POTEC: variants seen among roughly 807,000 people sequenced by gnomAD.
POTEC encodes the protein POTE ankyrin domain family member C.
In POTEC, 35 loss-of-function variants were observed where a neutral mutation model predicts 62.0. The ratio of observed to expected loss-of-function variants is 0.56; its 90% CI spans 0.43 to 0.75. The LOEUF is 0.75. POTEC is among the 30% of genes least tolerant of loss of function. The pLI is 0.00. For missense variants in POTEC, 472 were observed against 655.9 expected, an observed-to-expected ratio of 0.72 and a Z score of 3.06; for synonymous variants, 156 against 221.5, an observed-to-expected ratio of 0.70 and a Z score of 2.62.
At position 14,537,886 on chromosome 18, in the gene POTEC, G is replaced by A. The variant is rs1457228160; in HGVS notation, c.725C>T (p.Thr242Ile). ...TTCATTGTGGACAGCATAGTGTAGA[G>A]TGGTATTTCCATACTCATCTGGAAT... Reference protein sequence around the residue: ...QNIPDEYGNTTLHYAVHNEDK... With the variant: ...QNIPDEYGNTILHYAVHNEDK... Residue 242 changes from threonine to isoleucine, a missense_variant, in exon 3 of 11, where the codon ACT becomes ATT. Coordinates refer to ENST00000358970, the MANE Select transcript of POTEC (RefSeq NM_001137671.2). 6.2e-7 allele frequency: 1 copy of A among 1,612,390 alleles called. No individual in the cohort carries two copies. Among genetic ancestry groups the A allele is most frequent in the South Asian group, 1.1e-5 (1 of 90,994 alleles).
At chr18:14,519,675 C>T (rs1910257800) in intron 9 of POTEC, among the ~76,000 whole-genome samples, 1 of 152,166 alleles carries the variant, frequency 6.6e-6, no homozygotes, top group Admixed American at 6.5e-5. Context: ...CGAGATCACA[C>T]CACTGAACTC....
chr18:14,530,676 T>G (rs1905480348), intron 5 of POTEC, 123 bp from the exon 6 acceptor site: 3 of 920,432 alleles, frequency 3.3e-6, no homozygotes, highest in Admixed American at 3.2e-5. Flanking sequence ...AACAGTATTA[T>G]CCCATACACT....
At position 14,533,181 on chromosome 18, in the gene POTEC, G is replaced by C; in HGVS notation, c.935C>G (p.Ala312Gly). The change falls in exon 5 of 11, where the codon GCT becomes GGT. Residue 312 changes from alanine to glycine, a missense_variant. Ala to Gly is a moderately conservative substitution (Grantham distance 60). Around this residue, in one of 5 missense-constraint regions of POTEC, gnomAD observed 83 missense variants for 254.3 expected, o/e 0.33. Coordinates refer to ENST00000358970, the MANE Select transcript of POTEC (RefSeq NM_001137671.2). ...DRYGRTALILAVCCGSASIVN... is the reference protein window; with the variant it reads ...DRYGRTALILGVCCGSASIVN... ...TATACTTGCTGATCCACAACATACA[G>C]CAAGTATGAGGGCAGTTCTAAAATT... The C allele has an allele frequency of 6.2e-7, 1 of 1,611,178 alleles. No individual in the cohort carries two copies. Among genetic ancestry groups the C allele is most frequent in the Non-Finnish European group, 8.5e-7 (1 of 1,179,414 alleles).
chr18:14,543,284 C>T lies in POTEC; in HGVS notation c.-138G>A, dbSNP rs1312344790. The T allele has an allele frequency of 3.6e-6, 5 of 1,398,232 alleles. No individual in the cohort carries two copies. The Admixed American group carries it at 9.2e-5, about 26-fold the overall frequency. 86.6% of individuals were successfully genotyped at this position (1,398,232 alleles called of 1,614,324 possible). A position where few individuals can be genotyped will look rare whatever the true frequency, so the allele number is the denominator to read the frequency against. On this transcript the variant is annotated 5_prime_UTR_variant, in exon 1 of 11. Transcript: ENST00000358970. ...AATCCCAGCCAAAACTTGCCAACCC[C>T]AGCAAGGGAGCCCAGTCCACCCCAC...
rs185639924 is a variant in POTEC, at chr18:14,534,425, C to G, written c.917+476G>C. ...TAATTGTCATGTGGCGATAAGCTAACATTAATATTCTTCAAAGAAAGCAAC... is the reference window on the plus strand; with the variant it reads ...TAATTGTCATGTGGCGATAAGCTAAGATTAATATTCTTCAAAGAAAGCAAC... On this transcript the variant is annotated intron_variant, in intron 4 of 10. Coordinates refer to ENST00000358970, the MANE Select transcript of POTEC (RefSeq NM_001137671.2). Among the ~76,000 whole-genome samples, 466 of 152,004 alleles carry G rather than the reference C, an allele frequency of 3.1e-3. 1 individual carries two copies. The highest frequency in any genetic ancestry group is 0.01 in the African/African-American group (432 of 41,420).
At position 14,511,989 on chromosome 18, in the gene POTEC, G is replaced by A. The variant is rs1012210594; in HGVS notation, c.1538C>T (p.Ser513Phe). The A allele has an allele frequency of 2.5e-6, 4 of 1,611,806 alleles. No homozygotes were observed. Among genetic ancestry groups the A allele is most frequent in the Non-Finnish European group, 3.4e-6 (4 of 1,179,110 alleles). Residue 513 changes from serine (S) to phenylalanine (F), a missense_variant, in exon 11 of 11, where the codon TCT (serine) becomes TTT (phenylalanine). Physicochemically the swap from Ser to Phe is radical, Grantham distance 155 (BLOSUM62 -2). Coordinates refer to ENST00000358970, the MANE Select transcript of POTEC (RefSeq NM_001137671.2). Reference protein sequence around the residue: ...VAEKKMNSELSLSHKKEEDLL... With the variant: ...VAEKKMNSELFLSHKKEEDLL... ...ATCTTCTTCTTTCTTATGACTAAGA[G>A]AAAGCTAAGTAAACAAAGGGAACTT...
At chr18:14,536,739 A>G (rs1274131681) in intron 3 of POTEC, among the ~76,000 whole-genome samples, 1 of 152,172 alleles carries the variant, frequency 6.6e-6, no homozygotes, top group Non-Finnish European at 1.5e-5. Context: ...TCATTTGAGG[A>G]TCTGGCCAAA....
intron 1 of POTEC, among the ~76,000 whole-genome samples, chr18:14,540,820 C>G (rs1045798664): frequency 6.6e-6 from 1 of 152,208 alleles, no homozygotes; most frequent in Non-Finnish European, 1.5e-5. Context: ...ATAAGTACCA[C>G]TGTTCTTCAC....
chr18:14,536,314 T>C (rs1278662320), intron 3 of POTEC, among the ~76,000 whole-genome samples: 2 of 148,912 alleles, frequency 1.3e-5, no homozygotes, highest in African/African-American at 5.0e-5. Context: ...TCTAGAAATA[T>C]CTGAAGTTTC....
chr18:14,529,041 T>C (rs1321817004), intron 6 of POTEC: 1 of 454,232 alleles, frequency 2.2e-6, no homozygotes, highest in African/African-American at 2.0e-5. Context: ...CTTCTGCTTC[T>C]TTACCTAGAA....
Position 14,543,036 on chromosome 18 carries a change from C to T in POTEC, c.111G>A (p.Gly37=), listed in dbSNP as rs779999688. 6.2e-6 allele frequency: 10 copies of T among 1,606,070 alleles called. No homozygotes were observed. Among genetic ancestry groups the T allele is most frequent in the Non-Finnish European group, 7.7e-6 (9 of 1,174,400 alleles). The change falls in exon 1 of 11, where the codon GGG becomes GGA. Residue 37 remains glycine (G), a synonymous_variant. Transcript: ENST00000358970. ...WFHHRFPCCK[G]SGKSNMGTSG... is the part of the protein sequence containing the mutation. Reference sequence around the variant, plus strand: ...AAGTGCCCATGTTGCTCTTGCCGCTCCCCTTGCAGCAGGGGAAGCGGTGGT... The same window carrying T: ...AAGTGCCCATGTTGCTCTTGCCGCTTCCCTTGCAGCAGGGGAAGCGGTGGT...
intron 1 of POTEC, among the ~76,000 whole-genome samples, chr18:14,542,074 G>T (rs1905952133): frequency 6.6e-6 from 1 of 150,422 alleles, no homozygotes; most frequent in South Asian, 2.2e-4. Context: ...TTTTTATTTG[G>T]CTTATGTAAA....
In POTEC at chr18:14,536,775, C is replaced by T. The variant is rs150411970; in HGVS notation, c.810+1026G>A. ...AAGAGGAAAGAGTAGGAGAGAGACT[C>T]ATTTGCTGAAAACACCACAAAATTT... On this transcript the variant is annotated intron_variant, in intron 3 of 10. Transcript: ENST00000358970. Among the ~76,000 whole-genome samples the T allele has an allele frequency of 3.1e-3, 465 of 152,238 alleles. 1 individual carries two copies. The highest frequency in any genetic ancestry group is 0.01 in the African/African-American group (430 of 41,542).
chr18:14,542,816 C>T lies in POTEC; in HGVS notation c.331G>A (p.Gly111Arg). 1 of 1,613,488 alleles carries T rather than the reference C, an allele frequency of 6.2e-7. No homozygotes were observed. Among genetic ancestry groups the T allele is most frequent in the South Asian group, 1.1e-5 (1 of 91,052 alleles). ...WCCHCFPCCR[G>R]SGKSNVGAWG... ...GCGCCCACGTTGCTCTTGCCGCTCCCCCTGCAGCAGGGGAAGCAGTGACAG... is the reference window on the plus strand; with the variant it reads ...GCGCCCACGTTGCTCTTGCCGCTCCTCCTGCAGCAGGGGAAGCAGTGACAG... The change falls in exon 1 of 11, where the codon GGG (glycine) becomes AGG (arginine). Residue 111 changes from glycine (G) to arginine (R), a missense_variant. Gly to Arg is a moderately radical substitution (Grantham distance 125). Around this residue, in one of 5 missense-constraint regions of POTEC, gnomAD observed 257 missense variants for 250.7 expected, o/e 1.03. Transcript: ENST00000358970.
At chr18:14,521,372 C>T (rs563431492) in intron 9 of POTEC, among the ~76,000 whole-genome samples, 133 of 152,256 alleles carry the variant, frequency 8.7e-4, no homozygotes, top group Non-Finnish European at 1.5e-3. Flanking sequence ...AATCAGTATA[C>T]TCTAGATCTA....
chr18:14,536,938 C>T (rs1193615293), intron 3 of POTEC, among the ~76,000 whole-genome samples: 1 of 151,914 alleles, frequency 6.6e-6, no homozygotes, highest in Non-Finnish European at 1.5e-5. Context: ...TTGGCCATTT[C>T]TACCAGAATA....
chr18:14,542,969 T>G lies in POTEC; in HGVS notation c.178A>C (p.Lys60Gln). The G allele has an allele frequency of 1.3e-6, 2 of 1,573,284 alleles. No individual in the cohort carries two copies. The highest frequency in any genetic ancestry group is 1.2e-5 in the South Asian group (1 of 85,790). Reference protein sequence around the residue: ...DDSFMKMLRSKMGKCCHHCFP... With the variant: ...DDSFMKMLRSQMGKCCHHCFP... ...CAGTGGTGGCAACACTTGCCCATCT[T>G]GCTCCTGAGCATCTTCATAAAGGAG... is the stretch of plus-strand genomic sequence containing the variant. The change falls in exon 1 of 11, where the codon AAG becomes CAG. Residue 60 changes from lysine (K) to glutamine (Q), a missense_variant. This residue lies in a region of POTEC where 257 missense variants were observed against 250.7 expected (regional missense o/e 1.03). Transcript: ENST00000358970.
chr18:14,517,872 A>C (rs1003472547), intron 9 of POTEC, among the ~76,000 whole-genome samples: 1 of 152,164 alleles, frequency 6.6e-6, no homozygotes. Flanking sequence ...AAATAAAATA[A>C]AATACCAGTA....
chr18:14,520,412 T>G (rs12454047), intron 9 of POTEC, among the ~76,000 whole-genome samples: 129,757 of 150,678 alleles, frequency 0.86, 56,193 homozygotes, highest in Non-Finnish European at 0.9. Flanking sequence ...AAAGCTTCAA[T>G]GAGAGTACTT....
Sources: gnomAD v4.1 joint callset for allele counts (sites outside exome capture counted in the v4.1 genomes callset) on GRCh38, gnomAD v4.1.1 for gene constraint, gnomAD v4.1.1 regional missense constraint, MANE v1.5 for transcripts, NCBI Gene and HGNC (gene_info 2026-07-23, HGNC 2026-07-21) for gene names.